The following ADAMTS17 variants were observed in gnomAD, a reference collection of about 807,000 sequenced individuals.
ADAMTS17 encodes A disintegrin and metalloproteinase with thrombospondin motifs 17.
ADAMTS17 carries 113 observed loss-of-function variants against 141.5 expected under a neutral mutation model. The observed-to-expected ratio is 0.80, with a 90% CI of 0.69 to 0.93. The LOEUF (loss-of-function observed/expected upper bound fraction) is 0.93. Among genes scored for constraint, ADAMTS17 ranks in the 40% least tolerant of loss-of-function variants. The pLI, the probability that ADAMTS17 is intolerant of heterozygous loss-of-function variation, is 0.00. For synonymous variants in ADAMTS17, 768 were observed against 630.6 expected (o/e 1.22, Z -3.27); for missense variants, 1,659 against 1,517.9 (o/e 1.09, Z -1.54).
At chr15:100,028,743 C>T (rs75741401) in intron 18 of ADAMTS17, among the ~76,000 whole-genome samples, 3,318 of 152,356 alleles carry the variant, frequency 0.022, 76 homozygotes, top group Non-Finnish European at 0.033. Flanking sequence ...CCTCACTCTA[C>T]TGCTTCTGCT....
chr15:99,987,361 G>A (rs1008619317), intron 20 of ADAMTS17, among the ~76,000 whole-genome samples: 1 of 152,170 alleles, frequency 6.6e-6, no homozygotes, highest in Non-Finnish European at 1.5e-5. Context: ...CCAAGACCTC[G>A]AAACTGGACA....
chr15:100,254,375 C>T (rs550158940), intron 6 of ADAMTS17, among the ~76,000 whole-genome samples, 196 bp from the exon 7 acceptor site: 1 of 152,308 alleles, frequency 6.6e-6, no homozygotes, highest in East Asian at 1.9e-4. Flanking sequence ...TCCACTTACC[C>T]CACATGAGAA....
chr15:100,216,939 C>A (rs902396054), intron 7 of ADAMTS17, among the ~76,000 whole-genome samples: 1 of 152,156 alleles, frequency 6.6e-6, no homozygotes, highest in Admixed American at 6.5e-5. Flanking sequence ...GGTCAGGGTG[C>A]CTTCCTGCTC....
chr15:100,331,456 G>A (rs925991994), intron 2 of ADAMTS17, among the ~76,000 whole-genome samples: 1 of 152,166 alleles, frequency 6.6e-6, no homozygotes, highest in African/African-American at 2.4e-5. Context: ...ATGGAAAAAT[G>A]TATCTTATCC....
chr15:100,129,809 T>C (rs960947301), intron 12 of ADAMTS17: 2 of 151,750 alleles, frequency 1.3e-5, no homozygotes, highest in African/African-American at 4.9e-5. Flanking sequence ...GAAGCCTGGC[T>C]CTTCCCACTC....
At chr15:100,040,060 T>C (rs1012942512) in intron 18 of ADAMTS17, among the ~76,000 whole-genome samples, 4 of 152,220 alleles carry the variant, frequency 2.6e-5, no homozygotes, top group Non-Finnish European at 5.9e-5. Flanking sequence ...TTACTTTCAA[T>C]GTATTTGTAT....
chr15:100,324,811 T>C (rs12050667), intron 3 of ADAMTS17, among the ~76,000 whole-genome samples: 41,747 of 152,066 alleles, frequency 0.27, 6,626 homozygotes, highest in East Asian at 0.46. Flanking sequence ...GCTGCAGCAA[T>C]AGCCAACATG....
chr15:100,259,307 G>A (rs939703107), intron 6 of ADAMTS17, among the ~76,000 whole-genome samples: 9 of 152,146 alleles, frequency 5.9e-5, no homozygotes, highest in East Asian at 1.9e-4. Flanking sequence ...TCCCTAAATC[G>A]AATCCACTCT....
chr15:100,080,548 C>T lies in ADAMTS17; in HGVS notation c.2137+15808G>A, dbSNP rs1437302040. On this transcript the variant is annotated intron_variant, in intron 15 of 21. Transcript: ENST00000268070. ...GGAATGAAGGTTTGGGTCACTCCAC[C>T]AAGAAAAAACCCACGTCTTGCTGAG... Among the ~76,000 whole-genome samples the T allele has an allele frequency of 2.6e-5, 4 of 152,008 alleles. No individual in the cohort carries two copies. The East Asian group carries it at 5.8e-4, about 22-fold the overall frequency.
At chr15:100,310,507 G>A (rs894499) in intron 3 of ADAMTS17, among the ~76,000 whole-genome samples, 38,339 of 152,080 alleles carry the variant, frequency 0.25, 5,044 homozygotes, top group South Asian at 0.36. Flanking sequence ...GTGTCTCTTC[G>A]CTTACAGAGA....
At chr15:99,989,791 G>A (rs547552042) in intron 20 of ADAMTS17, among the ~76,000 whole-genome samples, 1 of 152,292 alleles carries the variant, frequency 6.6e-6, no homozygotes, top group South Asian at 2.1e-4. Flanking sequence ...TATAACCCTG[G>A]GGACTGTGCC....
chr15:100,184,118 G>A (rs1484758328), intron 8 of ADAMTS17, among the ~76,000 whole-genome samples: 1 of 152,194 alleles, frequency 6.6e-6, no homozygotes, highest in African/African-American at 2.4e-5. Flanking sequence ...TAGGCCTGGG[G>A]TTTGCTGCTG....
intron 13 of ADAMTS17, among the ~76,000 whole-genome samples, chr15:100,109,831 T>C (rs1433105020): frequency 6.6e-6 from 1 of 152,056 alleles, no homozygotes; most frequent in African/African-American, 2.4e-5. Flanking sequence ...CGCAGCACTT[T>C]GCCTTCTACT....
chr15:100,259,011 T>TGAAAAA, intron 6 of ADAMTS17, among the ~76,000 whole-genome samples: 1 of 151,916 alleles, frequency 6.6e-6, no homozygotes, highest in East Asian at 1.9e-4. Flanking sequence ...CTCCACTCAA[T>TGAAAAA]GAAACAGCAG....
intron 18 of ADAMTS17, among the ~76,000 whole-genome samples, chr15:100,043,074 A>C (rs1282564386): frequency 1.3e-5 from 2 of 152,214 alleles, no homozygotes; most frequent in African/African-American, 4.8e-5. Flanking sequence ...ACATTTCTTT[A>C]GCCAAACAAT....
At chr15:100,245,876 A>T (rs539821538) in intron 7 of ADAMTS17, among the ~76,000 whole-genome samples, 162 of 152,296 alleles carry the variant, frequency 1.1e-3, no homozygotes, top group African/African-American at 3.9e-3. Context: ...GGCATGCATG[A>T]GCGTAAAGGT....
chr15:100,313,040 A>T (rs74039264), intron 3 of ADAMTS17, among the ~76,000 whole-genome samples: 6,355 of 152,306 alleles, frequency 0.042, 414 homozygotes, highest in African/African-American at 0.14. Context: ...AAGCAACTAT[A>T]GTCACAAAAA....
chr15:100,005,302 T>G (rs1453876239), intron 18 of ADAMTS17, among the ~76,000 whole-genome samples: 1 of 152,220 alleles, frequency 6.6e-6, no homozygotes, highest in Non-Finnish European at 1.5e-5. Flanking sequence ...CACAGATTTA[T>G]TATCTTACAG....
At chr15:100,060,644 C>T (rs116611888) in intron 15 of ADAMTS17, among the ~76,000 whole-genome samples, 1,767 of 152,300 alleles carry the variant, frequency 0.012, 33 homozygotes, top group African/African-American at 0.041. Context: ...AAGACCTGAC[C>T]CACAGTCAAC....
Sources: gnomAD v4.1 joint callset for allele counts (sites outside exome capture counted in the v4.1 genomes callset) on GRCh38, gnomAD v4.1.1 for gene constraint, MANE v1.5 for transcripts, NCBI Gene and HGNC (gene_info 2026-07-23, HGNC 2026-07-21) for gene names.